The following KCNIP4 variants were observed in gnomAD, a reference collection of about 807,000 sequenced individuals.
KCNIP4 encodes the protein potassium voltage-gated channel interacting protein 4, also known as Kv channel-interacting protein 4.
A neutral mutation model predicts 34.0 loss-of-function variants in KCNIP4; 12 were observed. The observed-to-expected ratio is 0.35, with a 90% confidence interval of 0.23 to 0.57. KCNIP4 has a LOEUF of 0.57. Among genes scored for constraint, KCNIP4 ranks in the 20% least tolerant of loss-of-function variants. The probability of loss-of-function intolerance (pLI) is 0.83; values close to 1 mark genes in which losing one functional copy is unlikely to be tolerated. For missense variants in KCNIP4, 238 were observed against 311.7 expected (o/e 0.76, Z 1.78); for synonymous variants, 124 against 102.2 (o/e 1.21, Z -1.29).
At chr4:21,551,997 A>G (rs1738620012) in intron 1 of KCNIP4, among the ~76,000 whole-genome samples, 1 of 151,008 alleles carries the variant, frequency 6.6e-6, no homozygotes, top group African/African-American at 2.4e-5. Flanking sequence ...AGTTATATCT[A>G]GGTTATTGTG....
intron 1 of KCNIP4, among the ~76,000 whole-genome samples, chr4:20,975,471 C>T (rs1432256913): frequency 6.6e-6 from 1 of 152,048 alleles, no homozygotes; most frequent in Non-Finnish European, 1.5e-5. Context: ...TATGACAATA[C>T]CAGGCAGATG....
intron 1 of KCNIP4, among the ~76,000 whole-genome samples, chr4:20,989,862 G>T (rs551727920): frequency 6.6e-6 from 1 of 152,224 alleles, no homozygotes; most frequent in East Asian, 1.9e-4. Flanking sequence ...TCAGCTACTT[G>T]GGGAGCTGAG....
At chr4:21,110,907 A>G (rs187400499) in intron 1 of KCNIP4, among the ~76,000 whole-genome samples, 2 of 152,182 alleles carry the variant, frequency 1.3e-5, no homozygotes, top group East Asian at 3.8e-4. Context: ...CACTCAGTCT[A>G]TGCCATTTTG....
chr4:21,283,759 C>A (rs936432293), intron 1 of KCNIP4, among the ~76,000 whole-genome samples: 3 of 150,838 alleles, frequency 2.0e-5, no homozygotes, highest in Middle Eastern at 3.2e-3. Flanking sequence ...ATGTAACAAG[C>A]CTGCACCTTG....
At chr4:21,068,663 T>G (rs1744625609) in intron 1 of KCNIP4, among the ~76,000 whole-genome samples, 1 of 152,182 alleles carries the variant, frequency 6.6e-6, no homozygotes, top group African/African-American at 2.4e-5. Flanking sequence ...TCCTCTTCAA[T>G]GAGGACTTTC....
intron 1 of KCNIP4, among the ~76,000 whole-genome samples, chr4:21,304,182 C>T (rs979383497): frequency 2.0e-5 from 3 of 151,784 alleles, no homozygotes; most frequent in African/African-American, 7.3e-5. Flanking sequence ...AGAAAAAGGG[C>T]GTGAGTGACA....
intron 1 of KCNIP4, among the ~76,000 whole-genome samples, chr4:21,887,939 A>T (rs573941632): frequency 6.6e-6 from 1 of 152,270 alleles, no homozygotes; most frequent in Admixed American, 6.5e-5. Flanking sequence ...TTCTGGTAAA[A>T]CTTTCTACCT....
intron 1 of KCNIP4, among the ~76,000 whole-genome samples, chr4:21,510,880 A>C (rs1734257861): frequency 1.9e-5 from 1 of 52,358 alleles, no homozygotes; most frequent in South Asian, 8.6e-4. Flanking sequence ...AAATTAAAAA[A>C]ATAAAAATAA....
chr4:21,783,711 A>G (rs1005253823), intron 1 of KCNIP4, among the ~76,000 whole-genome samples: 6 of 152,204 alleles, frequency 3.9e-5, no homozygotes, highest in African/African-American at 1.4e-4. Flanking sequence ...AGACTTATTT[A>G]CCTAAAACAA....
At chr4:21,642,741 T>A (rs193232952) in intron 1 of KCNIP4, among the ~76,000 whole-genome samples, 13 of 152,176 alleles carry the variant, frequency 8.5e-5, no homozygotes, top group Admixed American at 5.2e-4. Flanking sequence ...GGGCTCTTCA[T>A]GCCTCTGAAT....
chr4:20,810,557 G>GATGCCATTTA (rs1560482467), intron 3 of KCNIP4, among the ~76,000 whole-genome samples: 15 of 151,752 alleles, frequency 9.9e-5, no homozygotes, highest in African/African-American at 3.6e-4. Flanking sequence ...TTCTGAATTT[G>GATGCCATTTA]CAACTAACAC....
chr4:20,909,968 T>A (rs1398367819), intron 1 of KCNIP4, among the ~76,000 whole-genome samples: 1 of 152,166 alleles, frequency 6.6e-6, no homozygotes, highest in Non-Finnish European at 1.5e-5. Context: ...GAACAAAAAC[T>A]TCTTATTTCT....
At chr4:21,791,523 A>G (rs1244798902) in intron 1 of KCNIP4, among the ~76,000 whole-genome samples, 1 of 152,170 alleles carries the variant, frequency 6.6e-6, no homozygotes, top group Non-Finnish European at 1.5e-5. Context: ...TCACTGCAGA[A>G]AACAAGACAA....
At chr4:21,251,727 T>A (rs1340256574) in intron 1 of KCNIP4, among the ~76,000 whole-genome samples, 2 of 151,870 alleles carry the variant, frequency 1.3e-5, no homozygotes, top group African/African-American at 2.4e-5. Flanking sequence ...ATGGATGAAA[T>A]TGGAAATCAT....
chr4:20,759,228 T>G lies in KCNIP4; in HGVS notation c.289-338A>C, dbSNP rs551205935. ...ACACAGCAAGCATGTTGCAAGATGT[T>G]TATAATATAGTCTTTGGTGAATCTT... On this transcript the variant is annotated intron_variant, in intron 3 of 8. Transcript: ENST00000382152. Among the ~76,000 whole-genome samples, 13 of 152,130 alleles carry G rather than the reference T, an allele frequency of 8.5e-5. No individual in the cohort carries two copies. In the South Asian group the frequency reaches 2.3e-3, roughly 27 times the overall value.
chr4:21,357,237 A>G (rs888555747), intron 1 of KCNIP4, among the ~76,000 whole-genome samples: 4 of 152,206 alleles, frequency 2.6e-5, no homozygotes, highest in African/African-American at 9.6e-5. Context: ...AGGCAATACC[A>G]TTCAGGACAT....
At chr4:20,986,924 C>T (rs1736629090) in intron 1 of KCNIP4, among the ~76,000 whole-genome samples, 1 of 128,322 alleles carries the variant, frequency 7.8e-6, no homozygotes, top group Non-Finnish European at 1.6e-5. Flanking sequence ...ACATTTACCA[C>T]ATGCTTTCTG....
intron 1 of KCNIP4, among the ~76,000 whole-genome samples, chr4:21,132,871 A>AAG: frequency 6.9e-6 from 1 of 144,658 alleles, no homozygotes; most frequent in East Asian, 2.1e-4. Flanking sequence ...AAAAAAAAAA[A>AAG]AAAATTAGCC....
At chr4:21,182,312 C>G (rs1754896467) in intron 1 of KCNIP4, among the ~76,000 whole-genome samples, 1 of 152,054 alleles carries the variant, frequency 6.6e-6, no homozygotes, top group Non-Finnish European at 1.5e-5. Context: ...CCCAGTGATT[C>G]CTCTTTGGAA....
Sources: gnomAD v4.1 joint callset for allele counts (sites outside exome capture counted in the v4.1 genomes callset) on GRCh38, gnomAD v4.1.1 for gene constraint, MANE v1.5 for transcripts, NCBI Gene and HGNC (gene_info 2026-07-23, HGNC 2026-07-21) for gene names.